The following FBXL20 variants were observed in gnomAD, a reference collection of about 807,000 sequenced individuals.
FBXL20 encodes F-box/LRR-repeat protein 20.
In FBXL20, 11 loss-of-function variants were observed where a neutral mutation model predicts 64.0. The ratio of observed to expected loss-of-function variants is 0.17; its 90% confidence interval spans 0.11 to 0.28. FBXL20 has a LOEUF of 0.28. Ranked by LOEUF, FBXL20 falls within the 10% of genes least tolerant of loss-of-function variation. The pLI, the probability that FBXL20 is intolerant of heterozygous loss-of-function variation, is 1.00. For synonymous variants in FBXL20, 184 were observed against 189.0 expected (o/e 0.97, Z 0.22); for missense variants, 303 against 526.2 (o/e 0.58, Z 4.15).
intron 2 of FBXL20, among the ~76,000 whole-genome samples, chr17:39,323,702 T>C (rs1238327549): frequency 6.6e-6 from 1 of 152,154 alleles, no homozygotes; most frequent in Non-Finnish European, 1.5e-5. Flanking sequence ...ACACCGACCA[T>C]TCCCTACTTA....
At chr17:39,352,849 A>AGCAC (rs2047700736) in intron 1 of FBXL20, among the ~76,000 whole-genome samples, 1 of 152,184 alleles carries the variant, frequency 6.6e-6, no homozygotes, top group African/African-American at 2.4e-5. Context: ...ATTCTTAGCT[A>AGCAC]GCACCTGGCT....
At chr17:39,388,102 ATAAG>A (rs536040795) in intron 1 of FBXL20, among the ~76,000 whole-genome samples, 105 of 152,306 alleles carry the variant, frequency 6.9e-4, no homozygotes, top group African/African-American at 2.4e-3. Flanking sequence ...TATTGAAATA[ATAAG>A]TAATATAAAT....
At chr17:39,265,364 G>C in intron 13 of FBXL20, 33 bp downstream of exon 13, 1 of 1,557,830 alleles carries the variant, frequency 6.4e-7, no homozygotes. Flanking sequence ...ATTAAACCCA[G>C]TAAACACATA....
intron 6 of FBXL20, among the ~76,000 whole-genome samples, chr17:39,296,430 C>T (rs566468368): frequency 3.8e-4 from 57 of 151,814 alleles, no homozygotes; most frequent in Admixed American, 1.3e-3. Flanking sequence ...CGTGGTGGCA[C>T]GTGCCTGTAG....
intron 2 of FBXL20, among the ~76,000 whole-genome samples, chr17:39,316,023 A>G (rs546229902): frequency 2.6e-4 from 39 of 152,266 alleles, no homozygotes; most frequent in African/African-American, 9.1e-4. Flanking sequence ...GTTCAAGGTT[A>G]CAGGGAGCTG....
intron 1 of FBXL20, among the ~76,000 whole-genome samples, chr17:39,393,629 A>G (rs1423397208): frequency 6.6e-6 from 1 of 152,200 alleles, no homozygotes; most frequent in Non-Finnish European, 1.5e-5. Context: ...TTATATTTCC[A>G]CCTGACTACA....
chr17:39,271,680 TG>T (rs1001644694), intron 10 of FBXL20, among the ~76,000 whole-genome samples: 58 of 151,080 alleles, frequency 3.8e-4, no homozygotes, highest in African/African-American at 1.4e-3. Flanking sequence ...TCTAGACTTG[TG>T]AAAGCTTCCT....
chr17:39,343,501 A>AT (rs2144572641), intron 1 of FBXL20, among the ~76,000 whole-genome samples: 1 of 152,292 alleles, frequency 6.6e-6, no homozygotes, highest in South Asian at 2.1e-4. Flanking sequence ...GTTTTCACAT[A>AT]TTAATGGTTT....
At chr17:39,386,616 T>G (rs553106010) in intron 1 of FBXL20, among the ~76,000 whole-genome samples, 2 of 152,296 alleles carry the variant, frequency 1.3e-5, no homozygotes, top group East Asian at 3.9e-4. Context: ...TGAGTGAGAC[T>G]CCGTCTCAAA....
At chr17:39,312,355 A>T (rs2047242718) in intron 2 of FBXL20, among the ~76,000 whole-genome samples, 1 of 151,324 alleles carries the variant, frequency 6.6e-6, no homozygotes, top group African/African-American at 2.4e-5. Context: ...TGGAGGTTGC[A>T]GTGAGCCGAG....
At chr17:39,398,988 A>T (rs551283530) in intron 1 of FBXL20, among the ~76,000 whole-genome samples, 11 of 152,184 alleles carry the variant, frequency 7.2e-5, no homozygotes, top group African/African-American at 1.4e-4. Context: ...GTTTTAAATT[A>T]AAAAAATTTT....
At chr17:39,272,713 A>T (rs2046856086) in intron 10 of FBXL20, among the ~76,000 whole-genome samples, 1 of 150,612 alleles carries the variant, frequency 6.6e-6, no homozygotes, top group Non-Finnish European at 1.5e-5. Flanking sequence ...AAAAAAAAAA[A>T]AAAAAAAAGA....
At chr17:39,361,724 G>A (rs902811015) in intron 1 of FBXL20, among the ~76,000 whole-genome samples, 1 of 152,036 alleles carries the variant, frequency 6.6e-6, no homozygotes, top group Non-Finnish European at 1.5e-5. Context: ...TTGAACCTGG[G>A]AGGCGGAGTT....
chr17:39,311,184 CAA>C (rs1331342202), intron 2 of FBXL20, among the ~76,000 whole-genome samples: 1 of 151,988 alleles, frequency 6.6e-6, no homozygotes, highest in African/African-American at 2.4e-5. Flanking sequence ...AACAAAAAAA[CAA>C]AACCCCGTGT....
chr17:39,323,739 A>G (rs1355810800), intron 2 of FBXL20, among the ~76,000 whole-genome samples: 1 of 151,850 alleles, frequency 6.6e-6, no homozygotes, highest in Admixed American at 6.6e-5. Context: ...CTGGCTTCTC[A>G]GACACCACCT....
chr17:39,334,951 G>A (rs2047506044), intron 2 of FBXL20, among the ~76,000 whole-genome samples: 1 of 152,140 alleles, frequency 6.6e-6, no homozygotes, highest in Admixed American at 6.6e-5. Context: ...TAAAGAATGT[G>A]TAAGCAAAAA....
intron 1 of FBXL20, among the ~76,000 whole-genome samples, chr17:39,350,725 G>A (rs182917868): frequency 6.7e-4 from 102 of 152,210 alleles, no homozygotes; most frequent in African/African-American, 2.4e-3. Context: ...CCTAACTCCA[G>A]GTTTGTAAGA....
intron 1 of FBXL20, among the ~76,000 whole-genome samples, chr17:39,371,504 G>T (rs1229596124): frequency 6.6e-6 from 1 of 152,044 alleles, no homozygotes; most frequent in Non-Finnish European, 1.5e-5. Context: ...ACTACTAATT[G>T]TATAGACTTC....
intron 4 of FBXL20, among the ~76,000 whole-genome samples, chr17:39,300,055 C>G (rs959148507): frequency 2.0e-5 from 3 of 152,214 alleles, no homozygotes; most frequent in Non-Finnish European, 2.9e-5. Context: ...TGAGACCGCA[C>G]CACTGCACTC....
Sources: gnomAD v4.1 joint callset for allele counts (sites outside exome capture counted in the v4.1 genomes callset) on GRCh38, gnomAD v4.1.1 for gene constraint, MANE v1.5 for transcripts, NCBI Gene and HGNC (gene_info 2026-07-23, HGNC 2026-07-21) for gene names.